Variants in IQCM observed in about 807,000 individuals in gnomAD.
The protein encoded by IQCM is IQ motif containing M, also known as IQ domain-containing protein M.
IQCM carries 45 observed loss-of-function variants against 57.6 expected under a neutral mutation model. The observed-to-expected ratio is 0.78, with a 90% CI of 0.62 to 1.00. IQCM has a LOEUF of 1.00. Ranked by LOEUF, IQCM falls within the 50% of genes least tolerant of loss-of-function variation. The pLI is 0.00. For missense variants in IQCM, 468 were observed against 511.6 expected (o/e 0.91, Z 0.82); for synonymous variants, 148 against 158.9 (o/e 0.93, Z 0.51).
chr4:149,523,149 A>G (rs2149835109), intron 12 of IQCM, among the ~76,000 whole-genome samples: 1 of 152,242 alleles, frequency 6.6e-6, no homozygotes, highest in African/African-American at 2.4e-5. Context: ...GCAGAGAGAG[A>G]GGAAGCAAGC....
intron 13 of IQCM, among the ~76,000 whole-genome samples, chr4:149,422,384 G>C (rs934381129): frequency 6.6e-6 from 1 of 151,906 alleles, no homozygotes; most frequent in African/African-American, 2.4e-5. Flanking sequence ...CAAGGCCTTT[G>C]ACTCACCTCT....
chr4:149,787,417 C>T (rs546790298), intron 2 of IQCM, among the ~76,000 whole-genome samples: 1 of 152,248 alleles, frequency 6.6e-6, no homozygotes, highest in Admixed American at 6.5e-5. Flanking sequence ...GGAGGCATCA[C>T]ACTACCTGAC....
intron 3 of IQCM, among the ~76,000 whole-genome samples, chr4:149,736,317 A>G (rs1766940978): frequency 6.6e-6 from 1 of 152,136 alleles, no homozygotes. Flanking sequence ...CATCATTCTC[A>G]TTCAGCCTTG....
At chr4:149,499,812 T>C (rs1482564861) in intron 12 of IQCM, among the ~76,000 whole-genome samples, 3 of 152,164 alleles carry the variant, frequency 2.0e-5, no homozygotes, top group Admixed American at 2.0e-4. Context: ...CTGACTAAAA[T>C]AGTAGACAGA....
chr4:149,767,504 C>T (rs1770167876), intron 2 of IQCM, among the ~76,000 whole-genome samples: 1 of 152,172 alleles, frequency 6.6e-6, no homozygotes, highest in Middle Eastern at 3.4e-3. Flanking sequence ...CTGTCATATT[C>T]AGCTCCTGCA....
At chr4:149,506,870 G>GTAAGAACAAGA (rs1743872316) in intron 12 of IQCM, among the ~76,000 whole-genome samples, 1 of 152,124 alleles carries the variant, frequency 6.6e-6, no homozygotes, top group African/African-American at 2.4e-5. Context: ...GAGGGGAAAG[G>GTAAGAACAAGA]TAAGAACAAG....
At chr4:149,745,302 G>C (rs1442808174) in intron 2 of IQCM, among the ~76,000 whole-genome samples, 1 of 152,174 alleles carries the variant, frequency 6.6e-6, no homozygotes, top group Non-Finnish European at 1.5e-5. Context: ...TTTTGAACAG[G>C]GCATTGACAT....
intron 12 of IQCM, among the ~76,000 whole-genome samples, chr4:149,452,080 AAATT>A (rs1350964590): frequency 6.6e-6 from 1 of 151,758 alleles, no homozygotes; most frequent in Non-Finnish European, 1.5e-5. Context: ...TAAAAATCAG[AAATT>A]AATATAAAAA....
Position 149,571,173 on chromosome 4 carries a change from GT to G in IQCM, c.750-7284del, listed in dbSNP as rs771777575. On this transcript the variant is annotated intron_variant, in intron 9 of 13. Coordinates refer to ENST00000636793, the MANE Select transcript of IQCM (RefSeq NM_001363507.2). The stretch of plus-strand genomic sequence containing the variant: ...CATCCAAAGGAAATGAAATCAGTTT[GT>G]CAGAGATAACTGCACCACCGTGCTC... 2.0e-5 allele frequency among the ~76,000 whole-genome samples: 3 copies of G among 152,044 alleles called. No individual in the cohort carries two copies. The East Asian group carries it at 5.8e-4, about 29-fold the overall frequency.
chr4:149,356,150 T>C (rs1728959856), intron 13 of IQCM, among the ~76,000 whole-genome samples: 1 of 152,248 alleles, frequency 6.6e-6, no homozygotes, highest in Non-Finnish European at 1.5e-5. Context: ...ATTAGCCGTT[T>C]GTCAGATGAG....
intron 12 of IQCM, among the ~76,000 whole-genome samples, chr4:149,456,255 T>C (rs1254223318): frequency 6.6e-6 from 1 of 152,036 alleles, no homozygotes; most frequent in Non-Finnish European, 1.5e-5. Flanking sequence ...CAAAACCTGT[T>C]CAAGTTGTTC....
intron 8 of IQCM, among the ~76,000 whole-genome samples, chr4:149,598,462 C>CA (rs948929026): frequency 1.3e-5 from 2 of 151,772 alleles, no homozygotes; most frequent in Non-Finnish European, 2.9e-5. Flanking sequence ...GAGGATACTT[C>CA]AAAAAATAAG....
At chr4:149,805,717 C>T (rs1345526957) in intron 2 of IQCM, among the ~76,000 whole-genome samples, 2 of 151,910 alleles carry the variant, frequency 1.3e-5, no homozygotes, top group Non-Finnish European at 2.9e-5. Context: ...TTAAATATTT[C>T]CAATTTCATA....
intron 13 of IQCM, among the ~76,000 whole-genome samples, chr4:149,385,679 A>G (rs1731376420): frequency 1.3e-5 from 2 of 152,068 alleles, no homozygotes; most frequent in Admixed American, 6.6e-5. Flanking sequence ...ATTCCATCCT[A>G]TGTCTCAAGT....
At position 149,351,895 on chromosome 4, in the gene IQCM, C is replaced by T; in HGVS notation, c.*56G>A. The T allele has an allele frequency of 2.5e-6, 1 of 398,100 alleles. No individual in the cohort carries two copies. Among genetic ancestry groups the T allele is most frequent in the Non-Finnish European group, 4.4e-6 (1 of 225,644 alleles). The allele number at this position is 398,100 out of a possible 1,614,324, so 24.7% of individuals were successfully genotyped here. A position where few individuals can be genotyped will look rare whatever the true frequency, so the allele number is the denominator to read the frequency against. On this transcript the variant is annotated 3_prime_UTR_variant, in exon 14 of 14. Coordinates refer to ENST00000636793, the MANE Select transcript of IQCM (RefSeq NM_001363507.2). Reference sequence around the variant, plus strand: ...AGAATTGATCCACCTCCAGTGTTAACTTGTCTCTTTGGGTAGAGAAGTTTA... The same window carrying T: ...AGAATTGATCCACCTCCAGTGTTAATTTGTCTCTTTGGGTAGAGAAGTTTA...
rs1026452757 is a variant in IQCM at position 149,587,431 on chromosome 4, C to T, written c.749+499G>A. ...TCCACAATTGCTTCTTTCAATCTCA[C>T]GCTCTAATCTCTCTCACAAAATCAA... On this transcript the variant is annotated intron_variant, in intron 9 of 13. Coordinates refer to ENST00000636793, the MANE Select transcript of IQCM (RefSeq NM_001363507.2). Among the ~76,000 whole-genome samples, 18 of 151,736 alleles carry T rather than the reference C, an allele frequency of 1.2e-4. 1 individual carries two copies. The highest frequency in any genetic ancestry group is 9.2e-4 in the Admixed American group (14 of 15,172).
At chr4:149,554,346 C>CA (rs1560985051) in intron 10 of IQCM, among the ~76,000 whole-genome samples, 1 of 148,298 alleles carries the variant, frequency 6.7e-6, no homozygotes, top group Non-Finnish European at 1.5e-5. Context: ...TGTTTTCATC[C>CA]TTTTTTTTTT....
chr4:149,629,277 A>G (rs1311535316), intron 7 of IQCM, among the ~76,000 whole-genome samples: 1 of 152,196 alleles, frequency 6.6e-6, no homozygotes, highest in Non-Finnish European at 1.5e-5. Flanking sequence ...TCACAGTTCA[A>G]ATGGAATGAG....
intron 2 of IQCM, among the ~76,000 whole-genome samples, chr4:149,796,678 A>G (rs1375110211): frequency 6.6e-6 from 1 of 152,078 alleles, no homozygotes; most frequent in Non-Finnish European, 1.5e-5. Context: ...GGGGTTCTTG[A>G]GTCACTCCAC....
Sources: gnomAD v4.1 joint callset for allele counts (sites outside exome capture counted in the v4.1 genomes callset) on GRCh38, gnomAD v4.1.1 for gene constraint, MANE v1.5 for transcripts, NCBI Gene and HGNC (gene_info 2026-07-23, HGNC 2026-07-21) for gene names.